The following IGSF22 variants were observed in gnomAD, a reference collection of about 807,000 sequenced individuals.
The protein encoded by IGSF22 is immunoglobulin superfamily member 22.
IGSF22 carries 119 observed loss-of-function variants against 127.0 expected under a neutral mutation model. The observed-to-expected ratio is 0.94, with a 90% CI of 0.81 to 1.09. The LOEUF (loss-of-function observed/expected upper bound fraction) is 1.09, where lower values mean the gene tolerates loss of function less well. Among genes scored for constraint, IGSF22 ranks in the 50% least tolerant of loss-of-function variants. The pLI is 0.00. For synonymous variants in IGSF22, 568 were observed against 664.7 expected, an observed-to-expected ratio of 0.85 and a Z score of 2.24; for missense variants, 1,518 against 1,716.6, an observed-to-expected ratio of 0.88 and a Z score of 2.04.
At position 18,712,347 on chromosome 11, in the gene IGSF22, C is replaced by T. The variant is rs1166911566; in HGVS notation, c.2133G>A (p.Leu711=). 1 of 1,551,622 alleles carries T rather than the reference C, an allele frequency of 6.4e-7. No homozygotes were observed. The highest frequency in any genetic ancestry group is 8.7e-7 in the Non-Finnish European group (1 of 1,146,940). ...TGTGCACACAACTACCTGAGAGCTC[C>T]AGGAACTCCACCCGGCCCTGTGGAG... ...PKPPQGRVEF[L]ELSGSCVHMK... Residue 711 remains leucine, a synonymous_variant, in exon 15 of 23, where the codon CTG becomes CTA. Coordinates refer to ENST00000513874, the MANE Select transcript of IGSF22 (RefSeq NM_173588.4).
At position 18,714,354 on chromosome 11, in the gene IGSF22, C is replaced by T. The variant is rs760047298; in HGVS notation, c.1721G>A (p.Ser574Asn). ...QGAVHKLIFP[S>N]MGPEHEGKYT... ...CTTGCCCTCGTGCTCAGGGCCCATA[C>T]TGGGAAAGATGAGCTTGTGCACTGC... Residue 574 changes from serine to asparagine, a missense_variant, in exon 13 of 23, where the codon AGT (serine) becomes AAT (asparagine). By Grantham distance (46) the Ser-to-Asn change is conservative. This residue lies in a region of IGSF22 where 1,456 missense variants were observed against 1,644.9 expected (regional missense o/e 0.89). Transcript: ENST00000513874. 1.9e-6 allele frequency: 3 copies of T among 1,614,242 alleles called. No individual in the cohort carries two copies. Among genetic ancestry groups the T allele is most frequent in the South Asian group, 2.2e-5 (2 of 91,086 alleles).
At position 18,715,285 on chromosome 11, in the gene IGSF22, G is replaced by T. The variant is rs576077964; in HGVS notation, c.1531+147C>A. The T allele has an allele frequency of 4.8e-4, 362 of 758,238 alleles. 6 individuals carry two copies. The South Asian group carries it at 5.7e-3, about 12-fold the overall frequency. The allele number at this position is 758,238 out of a possible 1,614,324, so 47.0% of individuals were successfully genotyped here. ...GTCAGAGATGGTCAGAATTTAGGAG[G>T]TGAGGGTGATCAGAGTGGGGAGACA... On this transcript the variant is annotated intron_variant, in intron 11 of 22. Transcript: ENST00000513874.
Position 18,715,692 on chromosome 11 carries a change from T to C in IGSF22, c.1271A>G (p.Asn424Ser). Reference protein sequence around the residue: ...VDRIPIKFVSNLKNVRVKERS... With the variant: ...VDRIPIKFVSSLKNVRVKERS... ...CTCTTTCACACGTACATTTTTGAGG[T>C]TGCTCACAAACTTGATGGGGATGCC... The change falls in exon 11 of 23, where the codon AAC (asparagine) becomes AGC (serine). Residue 424 changes from asparagine to serine, a missense_variant. By Grantham distance (46) the Asn-to-Ser change is conservative. Transcript: ENST00000513874. The C allele has an allele frequency of 6.2e-7, 1 of 1,611,994 alleles. No individual in the cohort carries two copies. The highest frequency in any genetic ancestry group is 8.5e-7 in the Non-Finnish European group (1 of 1,179,150).
At chr11:18,718,763 G>T in intron 7 of IGSF22, 35 bp from the exon 8 acceptor site, 1 of 1,367,074 alleles carries the variant, frequency 7.3e-7, no homozygotes, top group Non-Finnish European at 1.0e-6. Flanking sequence ...ACAAGTGTCA[G>T]TGGTACCCAA....
In IGSF22 at chr11:18,706,090, G is replaced by T. The variant is rs773108294; in HGVS notation, c.3637C>A (p.Pro1213Thr). 1.6e-5 allele frequency: 25 copies of T among 1,548,614 alleles called. No individual in the cohort carries two copies. In the East Asian group the frequency reaches 5.9e-4, roughly 36 times the overall value. Residue 1213 changes from proline to threonine, a missense_variant, in exon 22 of 23, where the codon CCG becomes ACG. Physicochemically the swap from Pro to Thr is conservative, Grantham distance 38. Transcript: ENST00000513874. ...GGCTTGAGGGGCGTCACGAAGCGCG[G>T]CGCGTGGCGCCAGTCCTTCTTCTCG... is the stretch of plus-strand genomic sequence containing the variant. ...PYEKKDWRHA[P>T]RFVTPLKPHT...
chr11:18,708,349 T>C (rs541554710), intron 18 of IGSF22, 54 bp from the exon 19 acceptor site: 6 of 1,407,368 alleles, frequency 4.3e-6, no homozygotes, highest in Admixed American at 4.8e-5. Flanking sequence ...AAGAAGACTC[T>C]GCTTTAAGCC....
intron 2 of IGSF22, among the ~76,000 whole-genome samples, chr11:18,723,309 G>T (rs538137913): frequency 6.6e-6 from 1 of 152,388 alleles, no homozygotes; most frequent in African/African-American, 2.4e-5. Flanking sequence ...CCACAGCAGA[G>T]AATCACTGCT....
intron 4 of IGSF22, among the ~76,000 whole-genome samples, chr11:18,721,244 G>A (rs1213576615): frequency 6.6e-6 from 1 of 152,200 alleles, no homozygotes; most frequent in East Asian, 1.9e-4. Context: ...CTCGCCTTGT[G>A]GACACGCCCC....
At chr11:18,714,230 G>A in intron 13 of IGSF22, 47 bp downstream of exon 13, 1 of 1,596,630 alleles carries the variant, frequency 6.3e-7, no homozygotes, top group African/African-American at 1.3e-5. Flanking sequence ...GAGCTTGTAG[G>A]TGGGCCAGGC....
intron 2 of IGSF22, among the ~76,000 whole-genome samples, chr11:18,723,159 C>T (rs1238615067): frequency 6.6e-6 from 1 of 152,190 alleles, no homozygotes; most frequent in Non-Finnish European, 1.5e-5. Context: ...GGTCAGTGGT[C>T]TACAGCTTTG....
chr11:18,720,363 C>CTTT, intron 4 of IGSF22, 78 bp from the exon 5 acceptor site: 3 of 845,246 alleles, frequency 3.5e-6, no homozygotes, highest in Non-Finnish European at 5.5e-6. Context: ...GGTAGGAGGC[C>CTTT]TTTTTTTTTT....
At position 18,718,684 on chromosome 11, in the gene IGSF22, A is replaced by T; in HGVS notation, c.741T>A (p.Val247=). The T allele has an allele frequency of 1.2e-6, 2 of 1,613,702 alleles. No individual in the cohort carries two copies. The highest frequency in any genetic ancestry group is 1.7e-6 in the Non-Finnish European group (2 of 1,179,606). The stretch of plus-strand genomic sequence containing the variant: ...TGCAGTCAAAGACCACTGTGGTGTC[A>T]ACCTTGGTCTCTTTGTCTTCCAGGG... ...LKPLEDKETK[V]DTTVVFDCIM... is the part of the protein sequence containing the mutation. The change falls in exon 8 of 23, where the codon GTT becomes GTA. Residue 247 remains valine (V), a synonymous_variant. Transcript: ENST00000513874.
intron 8 of IGSF22, 108 bp downstream of exon 8, chr11:18,718,507 G>T (rs1315012874): frequency 3.9e-6 from 3 of 778,848 alleles, no homozygotes; most frequent in Non-Finnish European, 7.1e-6. Flanking sequence ...ATACCAGGAG[G>T]CATCCTCTTG....
Position 18,708,241 on chromosome 11 carries a change from G to C in IGSF22, c.3053C>G (p.Ala1018Gly). 6.5e-7 allele frequency: 1 copy of C among 1,548,990 alleles called. No individual in the cohort carries two copies. Among genetic ancestry groups the C allele is most frequent in the Non-Finnish European group, 8.7e-7 (1 of 1,145,704 alleles). The change falls in exon 19 of 23, where the codon GCT (alanine) becomes GGT (glycine). Residue 1018 changes from alanine to glycine, a missense_variant. Physicochemically the swap from Ala to Gly is moderately conservative, Grantham distance 60 (BLOSUM62 0). Transcript: ENST00000513874. ...TGCATGGATGCAGAGGGCTGTCCCAGCGCGAACCACCATGTGACTCTTCAG... is the reference window on the plus strand; with the variant it reads ...TGCATGGATGCAGAGGGCTGTCCCACCGCGAACCACCATGTGACTCTTCAG... Reference protein sequence around the residue: ...ARLKSHMVVRAGTALCIHAAF... With the variant: ...ARLKSHMVVRGGTALCIHAAF...
Position 18,715,694 on chromosome 11 carries a change from G to A in IGSF22, c.1269C>T (p.Ser423=), listed in dbSNP as rs754883641. Residue 423 remains serine (S), a synonymous_variant, in exon 11 of 23, where the codon AGC becomes AGT. Transcript: ENST00000513874. The part of the protein sequence containing the change: ...TVDRIPIKFV[S]NLKNVRVKER... Reference sequence around the variant, plus strand: ...CTTTCACACGTACATTTTTGAGGTTGCTCACAAACTTGATGGGGATGCCTG... The same window carrying A: ...CTTTCACACGTACATTTTTGAGGTTACTCACAAACTTGATGGGGATGCCTG... 1 of 1,611,486 alleles carries A rather than the reference G, an allele frequency of 6.2e-7. No individual in the cohort carries two copies. Among genetic ancestry groups the A allele is most frequent in the African/African-American group, 1.3e-5 (1 of 74,916 alleles).
Position 18,724,240 on chromosome 11 carries a change from G to T in IGSF22, c.-4C>A. On this transcript the variant is annotated 5_prime_UTR_variant, in exon 2 of 23. Coordinates refer to ENST00000513874, the MANE Select transcript of IGSF22 (RefSeq NM_173588.4). ...GCCGGCTGTGAATGGTTGTCATGGT[G>T]ACAGCAGGCGTGGGCACTCACCTGT... The T allele has an allele frequency of 6.2e-7, 1 of 1,611,904 alleles. No individual in the cohort carries two copies. Among genetic ancestry groups the T allele is most frequent in the South Asian group, 1.1e-5 (1 of 90,948 alleles).
intron 15 of IGSF22, among the ~76,000 whole-genome samples, chr11:18,711,681 C>T (rs745843434): frequency 8.5e-5 from 13 of 152,210 alleles, no homozygotes; most frequent in African/African-American, 3.1e-4. Flanking sequence ...TACAGGTGTG[C>T]GCCACTGTGC....
chr11:18,721,452 A>C (rs1590456061), intron 4 of IGSF22, 83 bp downstream of exon 4: 1 of 1,576,300 alleles, frequency 6.3e-7, no homozygotes, highest in Non-Finnish European at 8.7e-7. Context: ...TAAGGCTCTC[A>C]TCGGTGAGAA....
At position 18,707,091 on chromosome 11, in the gene IGSF22, G is replaced by T; in HGVS notation, c.3403C>A (p.Arg1135=). Residue 1135 remains arginine, a synonymous_variant, in exon 21 of 23, where the codon CGG becomes AGG. Coordinates refer to ENST00000513874, the MANE Select transcript of IGSF22 (RefSeq NM_173588.4). ...DGEAHYIIMK[R]DASTATWYTA... ...TACCAGGTGGCTGTGCTTGCATCCC[G>T]CTTCATGATGATGTAGTGAGCCTCA... is the stretch of plus-strand genomic sequence containing the variant. 6.4e-7 allele frequency: 1 copy of T among 1,551,640 alleles called. No homozygotes were observed.
Sources: allele counts gnomAD v4.1 joint callset (sites outside exome capture counted in the v4.1 genomes callset), GRCh38; gene constraint gnomAD v4.1.1; regional missense constraint gnomAD v4.1.1; transcripts MANE v1.5; gene names NCBI Gene and HGNC (gene_info 2026-07-23, HGNC 2026-07-21).